The following MAOB variants were observed in gnomAD, a reference collection of about 807,000 sequenced individuals.
MAOB encodes amine oxidase [flavin-containing] B.
A neutral mutation model predicts 41.9 loss-of-function variants in MAOB; 15 were observed. The ratio of observed to expected loss-of-function variants is 0.36; its 90% CI spans 0.24 to 0.55. MAOB has a LOEUF of 0.55. MAOB is among the 20% of genes least tolerant of loss of function. MAOB has a pLI of 0.86. For synonymous variants in MAOB, 167 were observed against 144.2 expected (o/e 1.16, Z -1.13); for missense variants, 345 against 398.7 (o/e 0.87, Z 1.15).
At chrX:43,810,242 C>CAA (rs143045804) in intron 3 of MAOB, among the ~76,000 whole-genome samples, 7 of 37,682 alleles carry the variant, frequency 1.9e-4, no homozygotes, top group Admixed American at 4.6e-4. Flanking sequence ...GACTCTGTCT[C>CAA]AAAAAAAAAA....
Position 43,870,010 on chromosome X carries a change from T to C in MAOB, c.46+12244A>G, listed in dbSNP as rs183496964. 3.0e-3 allele frequency among the ~76,000 whole-genome samples: 333 copies of C among 112,514 alleles called. 1 individual carries two copies. The highest frequency in any genetic ancestry group is 0.01 in the African/African-American group (322 of 30,947). ...CAAGAACTCCATTGTCCATTTTTTT[T>C]ATAATCACTTTCAGCATTTTCAACA... On this transcript the variant is annotated intron_variant, in intron 1 of 14. Coordinates refer to ENST00000378069, the MANE Select transcript of MAOB (RefSeq NM_000898.5).
At chrX:43,833,650 T>A (rs1395820363) in intron 3 of MAOB, among the ~76,000 whole-genome samples, 1 of 111,757 alleles carries the variant, frequency 8.9e-6, no homozygotes, top group Non-Finnish European at 1.9e-5. Context: ...AATTTCACTA[T>A]CATAACTTAA....
chrX:43,821,700 T>C (rs2034883169), intron 3 of MAOB, among the ~76,000 whole-genome samples: 1 of 111,800 alleles, frequency 8.9e-6, no homozygotes, highest in Non-Finnish European at 1.9e-5. Context: ...GATTATCCTT[T>C]TGAAATCTGA....
In MAOB at chrX:43,789,298, A is replaced by G. The variant is rs905263292; in HGVS notation, c.928+4121T>C. ...CTATGCATACAGTAAATCTTTAAGG[A>G]TAAACAATCTAAATTTTTAACAGTG... On this transcript the variant is annotated intron_variant, in intron 8 of 14. Coordinates refer to ENST00000378069, the MANE Select transcript of MAOB (RefSeq NM_000898.5). 2.7e-5 allele frequency among the ~76,000 whole-genome samples: 3 copies of G among 112,243 alleles called. No homozygotes were observed. The Admixed American group carries it at 2.8e-4, about 11-fold the overall frequency.
In MAOB at chrX:43,813,219, C is replaced by T. The variant is rs762488435; in HGVS notation, c.280-9815G>A. ...TTTCCTTTTAATTATAATGATTGAACACTATTTGTCAGACACTGGGCTAAT... is the reference window on the plus strand; with the variant it reads ...TTTCCTTTTAATTATAATGATTGAATACTATTTGTCAGACACTGGGCTAAT... On this transcript the variant is annotated intron_variant, in intron 3 of 14. Transcript: ENST00000378069. Among the ~76,000 whole-genome samples, 160 of 112,084 alleles carry T rather than the reference C, an allele frequency of 1.4e-3. 1 individual carries two copies. The highest frequency in any genetic ancestry group is 2.6e-3 in the Non-Finnish European group (136 of 53,261).
chrX:43,845,793 A>T (rs1185321119), intron 1 of MAOB, among the ~76,000 whole-genome samples: 2 of 112,522 alleles, frequency 1.8e-5, no homozygotes, highest in African/African-American at 6.5e-5. Flanking sequence ...CACATTAAAA[A>T]CCATAATGAA....
intron 3 of MAOB, among the ~76,000 whole-genome samples, chrX:43,806,311 G>C (rs1171653405): frequency 8.9e-6 from 1 of 112,086 alleles, no homozygotes; most frequent in Admixed American, 9.5e-5. Context: ...GTGTGTGATA[G>C]TTTCTCAGTA....
chrX:43,857,928 G>A (rs901443038), intron 1 of MAOB, among the ~76,000 whole-genome samples: 1 of 111,752 alleles, frequency 8.9e-6, no homozygotes, highest in African/African-American at 3.3e-5. Context: ...AAACACTGGC[G>A]AGCCAGCCCC....
intron 1 of MAOB, among the ~76,000 whole-genome samples, chrX:43,866,398 T>A (rs1486390169): frequency 8.9e-6 from 1 of 112,453 alleles, no homozygotes; most frequent in Non-Finnish European, 1.9e-5. Flanking sequence ...ACTTCCTTTA[T>A]TGTAAGAATG....
intron 11 of MAOB, among the ~76,000 whole-genome samples, chrX:43,776,397 G>T (rs1213419650): frequency 1.8e-5 from 2 of 112,223 alleles, no homozygotes; most frequent in Non-Finnish European, 1.9e-5. Flanking sequence ...TTCAAAATAT[G>T]AGGACAAATG....
intron 1 of MAOB, among the ~76,000 whole-genome samples, chrX:43,872,325 T>A (rs754475227): frequency 1.2e-4 from 13 of 112,049 alleles, no homozygotes; most frequent in Middle Eastern, 4.6e-3. Flanking sequence ...TACAACTTCA[T>A]TAAATTACGA....
intron 3 of MAOB, among the ~76,000 whole-genome samples, chrX:43,837,329 C>T (rs919170165): frequency 1.8e-5 from 2 of 112,163 alleles, no homozygotes; most frequent in African/African-American, 3.2e-5. Context: ...CTCCTAGACA[C>T]ATAGGGAAGG....
intron 10 of MAOB, among the ~76,000 whole-genome samples, chrX:43,779,760 CG>C (rs2034305823): frequency 9.0e-6 from 1 of 111,439 alleles, no homozygotes; most frequent in Non-Finnish European, 1.9e-5. Flanking sequence ...CTGATGGAAT[CG>C]GAAAGCATGC....
At chrX:43,873,671 C>A (rs1000397651) in intron 1 of MAOB, among the ~76,000 whole-genome samples, 2 of 111,060 alleles carry the variant, frequency 1.8e-5, no homozygotes, top group African/African-American at 6.5e-5. Flanking sequence ...CATTTTTGTT[C>A]GTTTTTGTTT....
At chrX:43,778,593 A>T in intron 11 of MAOB, 89 bp downstream of exon 11, 1 of 727,585 alleles carries the variant, frequency 1.4e-6, no homozygotes, top group South Asian at 2.5e-5. Flanking sequence ...GAACTTCAGG[A>T]CCCAACTTGC....
rs2034125351 is a variant in MAOB, at chrX:43,767,475, C to T, written c.1554G>A (p.Val518=). 2.5e-6 allele frequency: 3 copies of T among 1,207,635 alleles called. No homozygotes were observed. Among genetic ancestry groups the T allele is most frequent in the African/African-American group, 1.8e-5 (1 of 57,081 alleles). Residue 518 remains valine, a synonymous_variant, in exon 15 of 15, where the codon GTG becomes GTA. Transcript: ENST00000378069. ...GFLAHKRGLL[V]RV is the part of the protein sequence containing the mutation. ...CAGACACCCTCTCTCTTTAGACTCTCACAAGTAGCCCCCTTTTGTGGGCCA... is the reference window on the plus strand; with the variant it reads ...CAGACACCCTCTCTCTTTAGACTCTTACAAGTAGCCCCCTTTTGTGGGCCA...
chrX:43,836,489 T>C (rs2147161129), intron 3 of MAOB, among the ~76,000 whole-genome samples: 1 of 112,569 alleles, frequency 8.9e-6, no homozygotes, highest in Admixed American at 9.4e-5. Flanking sequence ...ACAGCATCAG[T>C]ATTTTTTCAA....
chrX:43,868,533 A>G (rs181136631), intron 1 of MAOB, among the ~76,000 whole-genome samples: 125 of 111,652 alleles, frequency 1.1e-3, no homozygotes, highest in Non-Finnish European at 1.7e-3. Context: ...CCTTTTATCA[A>G]CTAGGACCAT....
At chrX:43,858,930 G>A (rs1009535798) in intron 1 of MAOB, among the ~76,000 whole-genome samples, 1 of 111,560 alleles carries the variant, frequency 9.0e-6, no homozygotes, top group African/African-American at 3.3e-5. Context: ...TGAAGACAAG[G>A]CCTCAAATGG....
Sources: gnomAD v4.1 joint callset for allele counts (sites outside exome capture counted in the v4.1 genomes callset) on GRCh38, gnomAD v4.1.1 for gene constraint, MANE v1.5 for transcripts, NCBI Gene and HGNC (gene_info 2026-07-23, HGNC 2026-07-21) for gene names.